CLASP2: variants seen among roughly 807,000 people sequenced by gnomAD.
CLASP2 encodes the protein cytoplasmic linker associated protein 2.
CLASP2 carries 47 observed loss-of-function variants against 194.4 expected under a neutral mutation model. The ratio of observed to expected loss-of-function variants is 0.24; its 90% CI spans 0.19 to 0.31. The LOEUF (loss-of-function observed/expected upper bound fraction) is 0.31, where lower values mean the gene tolerates loss of function less well. Ranked by LOEUF, CLASP2 falls within the 10% of genes least tolerant of loss-of-function variation. CLASP2 has a pLI of 1.00. For synonymous variants in CLASP2, 619 were observed against 633.5 expected, an observed-to-expected ratio of 0.98 and a Z score of 0.34; for missense variants, 1,445 against 1,823.6, an observed-to-expected ratio of 0.79 and a Z score of 3.78.
chr3:33,639,755 A>G (rs2080945459), intron 8 of CLASP2, among the ~76,000 whole-genome samples: 1 of 152,242 alleles, frequency 6.6e-6, no homozygotes, highest in South Asian at 2.1e-4. Flanking sequence ...CAGTAATTTC[A>G]GACAGACTGG....
chr3:33,627,739 T>C (rs1230018194), intron 9 of CLASP2, among the ~76,000 whole-genome samples: 1 of 152,056 alleles, frequency 6.6e-6, no homozygotes, highest in Non-Finnish European at 1.5e-5. Flanking sequence ...AAACTACAAG[T>C]AGCAAGTCCC....
At position 33,619,619 on chromosome 3, in the gene CLASP2, A is replaced by C; in HGVS notation, c.1301T>G (p.Ile434Ser). 1 of 1,550,348 alleles carries C rather than the reference A, an allele frequency of 6.5e-7. No individual in the cohort carries two copies. The highest frequency in any genetic ancestry group is 8.7e-7 in the Non-Finnish European group (1 of 1,146,480). Reference protein sequence around the residue: ...KVMATSGCAAIRFIIRHTHVP... With the variant: ...KVMATSGCAASRFIIRHTHVP... ...CAAACCTACCCGAATGATAAATCTG[A>C]TTGCTGCACATCCAGAAGTTGCCAT... The change falls in exon 12 of 39, where the codon ATC (isoleucine) becomes AGC (serine). Residue 434 changes from isoleucine to serine, a missense_variant. By Grantham distance (142) the Ile-to-Ser change is moderately radical. Transcript: ENST00000682230.
At chr3:33,514,428 C>T (rs554002081) in intron 36 of CLASP2, among the ~76,000 whole-genome samples, 14 of 152,272 alleles carry the variant, frequency 9.2e-5, no homozygotes, top group Non-Finnish European at 2.1e-4. Context: ...ACTGCCTAAT[C>T]CAAGGTAACA....
intron 32 of CLASP2, among the ~76,000 whole-genome samples, chr3:33,539,663 G>A (rs769569738): frequency 3.3e-5 from 5 of 151,996 alleles, no homozygotes; most frequent in Non-Finnish European, 7.4e-5. Context: ...AAACATAGTC[G>A]TGCCTATTTA....
chr3:33,704,676 C>G (rs1168311703), intron 1 of CLASP2, among the ~76,000 whole-genome samples: 2 of 152,024 alleles, frequency 1.3e-5, no homozygotes, highest in Non-Finnish European at 2.9e-5. Context: ...TCACTTGAAC[C>G]TGGGAGGTGG....
At chr3:33,672,776 C>A (rs933481872) in intron 6 of CLASP2, among the ~76,000 whole-genome samples, 1 of 151,990 alleles carries the variant, frequency 6.6e-6, no homozygotes, top group Non-Finnish European at 1.5e-5. Flanking sequence ...AGCCCAGGCT[C>A]GAGAACTACA....
chr3:33,592,268 T>C (rs1341812830), intron 21 of CLASP2, 127 bp downstream of exon 21: 5 of 746,426 alleles, frequency 6.7e-6, no homozygotes, highest in Non-Finnish European at 1.2e-5. Flanking sequence ...ACTCAGTATG[T>C]GGCTTGTCTT....
At chr3:33,506,533 A>C (rs1239525208) in intron 37 of CLASP2, among the ~76,000 whole-genome samples, 1 of 151,988 alleles carries the variant, frequency 6.6e-6, no homozygotes, top group Non-Finnish European at 1.5e-5. Context: ...GTTAGATCCT[A>C]GAGTTCCAAA....
rs777225350 is a variant in CLASP2 at position 33,501,747 on chromosome 3, T to C, written c.4339A>G (p.Ser1447Gly). 2.5e-5 allele frequency: 41 copies of C among 1,613,256 alleles called. No homozygotes were observed. Among genetic ancestry groups the C allele is most frequent in the Non-Finnish European group, 3.4e-5 (40 of 1,179,350 alleles). Reference protein sequence around the residue: ...LIQGYDNSESSVRKACVFCLV... With the variant: ...LIQGYDNSESGVRKACVFCLV... ...CAGAAGACACAAGCTTTCCGAACAC[T>C]GCTCTCTGAATTATCATAACCCTAC... The change falls in exon 38 of 39, where the codon AGT (serine) becomes GGT (glycine). Residue 1447 changes from serine (S) to glycine (G), a missense_variant. Ser to Gly is a moderately conservative substitution (Grantham distance 56). Transcript: ENST00000682230.
Position 33,584,396 on chromosome 3 carries a change from C to A in CLASP2, c.2239+354G>T, listed in dbSNP as rs552617353. 6.0e-5 allele frequency among the ~76,000 whole-genome samples: 9 copies of A among 151,090 alleles called. No individual in the cohort carries two copies. In the East Asian group the frequency reaches 1.6e-3, roughly 26 times the overall value. On this transcript the variant is annotated intron_variant, in intron 22 of 38. Transcript: ENST00000682230. ...CAAAAGATTCTCCTGCCTCAGCCAC[C>A]CGAGTAGCTGGGATTACAGGCATGC...
chr3:33,548,195 A>G (rs953177698), intron 30 of CLASP2, among the ~76,000 whole-genome samples: 2 of 152,108 alleles, frequency 1.3e-5, no homozygotes, highest in Non-Finnish European at 2.9e-5. Flanking sequence ...ATTTCATCTA[A>G]GTTTTTTTAT....
chr3:33,531,795 A>C (rs947062048), intron 34 of CLASP2, among the ~76,000 whole-genome samples: 12 of 152,210 alleles, frequency 7.9e-5, no homozygotes, highest in Non-Finnish European at 1.5e-4. Flanking sequence ...ACAAAAACAA[A>C]AACAAAACCT....
intron 9 of CLASP2, among the ~76,000 whole-genome samples, chr3:33,631,852 T>G (rs1559462667): frequency 9.6e-6 from 1 of 104,122 alleles, no homozygotes; most frequent in Non-Finnish European, 1.8e-5. Flanking sequence ...CGAAAAAATA[T>G]AAAAAAAAAG....
chr3:33,608,712 T>C, intron 13 of CLASP2, 86 bp from the exon 14 acceptor site: 3 of 488,488 alleles, frequency 6.1e-6, no homozygotes, highest in Non-Finnish European at 1.1e-5. Flanking sequence ...CTTTGCCCCC[T>C]AAATTAAAGC....
At chr3:33,552,048 A>G (rs2060089786) in intron 29 of CLASP2, among the ~76,000 whole-genome samples, 2 of 151,666 alleles carry the variant, frequency 1.3e-5, no homozygotes, top group African/African-American at 4.8e-5. Context: ...CACAAAAATG[A>G]GTTATACAAG....
chr3:33,529,642 G>A (rs1261404280), intron 34 of CLASP2, among the ~76,000 whole-genome samples: 1 of 152,064 alleles, frequency 6.6e-6, no homozygotes, highest in Non-Finnish European at 1.5e-5. Context: ...TCCTACACAG[G>A]GTCAAGATCA....
intron 8 of CLASP2, 128 bp downstream of exon 8, chr3:33,644,629 G>C: frequency 1.1e-6 from 1 of 946,926 alleles, no homozygotes. Context: ...TCTGAATGTT[G>C]CAACAGACTC....
At chr3:33,581,350 T>C (rs1228233178) in intron 23 of CLASP2, among the ~76,000 whole-genome samples, 2 of 152,210 alleles carry the variant, frequency 1.3e-5, no homozygotes, top group Non-Finnish European at 2.9e-5. Flanking sequence ...ATAAAAATGT[T>C]AATCCCTACC....
intron 7 of CLASP2, among the ~76,000 whole-genome samples, chr3:33,651,216 C>A (rs974782670): frequency 3.3e-5 from 5 of 151,974 alleles, no homozygotes; most frequent in African/African-American, 1.2e-4. Flanking sequence ...AACCTCATCT[C>A]TACAAAAAAC....
Sources: gnomAD v4.1 joint callset for allele counts (sites outside exome capture counted in the v4.1 genomes callset) on GRCh38, gnomAD v4.1.1 for gene constraint, MANE v1.5 for transcripts, NCBI Gene and HGNC (gene_info 2026-07-23, HGNC 2026-07-21) for gene names.